ERC2: variants seen among roughly 807,000 people sequenced by gnomAD.
ERC2 encodes the protein ELKS/RAB6-interacting/CAST family member 2.
A neutral mutation model predicts 114.8 loss-of-function variants in ERC2; 42 were observed. That is an observed-to-expected ratio of 0.37 (90% confidence interval 0.29 to 0.47). ERC2 has a LOEUF of 0.47. Among genes scored for constraint, ERC2 ranks in the 20% least tolerant of loss-of-function variants. The pLI, the probability that ERC2 is intolerant of heterozygous loss-of-function variation, is 0.99. For missense variants in ERC2, 939 were observed against 1,150.7 expected (o/e 0.82, Z 2.66); for synonymous variants, 454 against 425.5 (o/e 1.07, Z -0.82).
At chr3:56,032,949 A>C (rs1250111455) in intron 7 of ERC2, among the ~76,000 whole-genome samples, 1,444 of 75,614 alleles carry the variant, frequency 0.019, 30 homozygotes, top group Non-Finnish European at 0.021. Context: ...GAAAGAAAGA[A>C]AGAAAGAAAC....
chr3:56,068,409 T>C (rs2076578430), intron 7 of ERC2, among the ~76,000 whole-genome samples: 1 of 152,122 alleles, frequency 6.6e-6, no homozygotes, highest in South Asian at 2.1e-4. Context: ...TTTTATTATG[T>C]CTATTTGATT....
At chr3:55,683,748 A>G (rs2148777749) in intron 17 of ERC2, 46 bp downstream of exon 17, 2 of 1,488,824 alleles carry the variant, frequency 1.3e-6, no homozygotes, top group African/African-American at 1.4e-5. Context: ...ATACAACACT[A>G]GAATGCAATT....
Position 56,173,434 on chromosome 3 carries a change from C to G in ERC2, c.1149+12G>C, listed in dbSNP as rs1240466067. The G allele has an allele frequency of 1.2e-6, 2 of 1,612,836 alleles. No homozygotes were observed. The highest frequency in any genetic ancestry group is 2.2e-5 in the South Asian group (2 of 91,048). On this transcript the variant is annotated intron_variant, in intron 4 of 17. Transcript: ENST00000288221. ...GGCATAACTGTTTCTGACAAAAGTG[C>G]ACAGTTCCTACCTTCATTTCGATGA...
chr3:56,425,560 CTTTTTTTTTT>C (rs67210393), intron 2 of ERC2, among the ~76,000 whole-genome samples: 1 of 124,006 alleles, frequency 8.1e-6, no homozygotes, highest in Non-Finnish European at 1.6e-5. Flanking sequence ...GACCCTTTTT[CTTTTTTTTTT>C]TTTTTTTTTT....
chr3:56,369,157 G>A (rs185336213), intron 2 of ERC2, among the ~76,000 whole-genome samples: 3 of 152,192 alleles, frequency 2.0e-5, no homozygotes, highest in African/African-American at 7.2e-5. Flanking sequence ...ATCTTCTGTA[G>A]AGTCCTAGTT....
intron 5 of ERC2, among the ~76,000 whole-genome samples, chr3:56,147,470 T>TAC (rs146429953): frequency 3.2e-4 from 49 of 151,684 alleles, no homozygotes; most frequent in Admixed American, 1.2e-3. Context: ...CATGCTTGCA[T>TAC]ACACACACAC....
rs186482176 is a variant in ERC2, at chr3:55,975,348, T to C, written c.2267+10629A>G. ...TTCCATATAGTTTCCATATTCCATA[T>C]AGTTTCTTCCAATTTCCATAGTTTC... On this transcript the variant is annotated intron_variant, in intron 12 of 17. Transcript: ENST00000288221. Among the ~76,000 whole-genome samples the C allele has an allele frequency of 3.4e-3, 514 of 152,304 alleles. 2 individuals carry two copies. Among genetic ancestry groups the C allele is most frequent in the South Asian group, 0.021 (101 of 4,820 alleles).
intron 13 of ERC2, among the ~76,000 whole-genome samples, chr3:55,923,548 G>C (rs2065563876): frequency 6.6e-6 from 1 of 152,044 alleles, no homozygotes; most frequent in South Asian, 2.1e-4. Flanking sequence ...TGGTTCAGAA[G>C]ATATAATAGC....
At chr3:55,904,148 G>A (rs1182839012) in intron 13 of ERC2, among the ~76,000 whole-genome samples, 1 of 152,222 alleles carries the variant, frequency 6.6e-6, no homozygotes, top group African/African-American at 2.4e-5. Context: ...AAGTGCCAGT[G>A]CAAGTGAGCA....
chr3:55,855,391 C>G (rs2061745717), intron 14 of ERC2, among the ~76,000 whole-genome samples: 1 of 152,262 alleles, frequency 6.6e-6, no homozygotes, highest in South Asian at 2.1e-4. Flanking sequence ...ACGCTGTTCA[C>G]TTACCAAACA....
At chr3:55,550,873 G>T (rs181135627) in intron 17 of ERC2, among the ~76,000 whole-genome samples, 1 of 151,848 alleles carries the variant, frequency 6.6e-6, no homozygotes, top group Non-Finnish European at 1.5e-5. Flanking sequence ...AAAATTAGCC[G>T]GGCGTGGTGG....
intron 3 of ERC2, among the ~76,000 whole-genome samples, chr3:56,266,191 C>T (rs2053292638): frequency 7.3e-6 from 1 of 136,770 alleles, no homozygotes. Context: ...AGTGCAGTGG[C>T]ACAATCTCGG....
At chr3:55,608,900 G>C (rs1475947076) in intron 17 of ERC2, among the ~76,000 whole-genome samples, 2 of 152,180 alleles carry the variant, frequency 1.3e-5, no homozygotes, top group Non-Finnish European at 2.9e-5. Flanking sequence ...GACTAGCAGG[G>C]TGGGTTGTAA....
At chr3:56,466,986 G>C (rs540376460) in intron 1 of ERC2, 1 of 152,290 alleles carries the variant, frequency 6.6e-6, no homozygotes, top group African/African-American at 2.4e-5. Flanking sequence ...AGTGGCCTCG[G>C]CATCCGCAAC....
chr3:56,420,177 C>CTTTTTTT (rs34883402), intron 2 of ERC2, among the ~76,000 whole-genome samples: 10 of 72,306 alleles, frequency 1.4e-4, no homozygotes, highest in South Asian at 5.3e-4. Flanking sequence ...AGTGGTTATA[C>CTTTTTTT]TTTTTTTTTT....
intron 11 of ERC2, 26 bp downstream of exon 11, chr3:55,992,031 A>T: frequency 1.2e-6 from 2 of 1,605,744 alleles, no homozygotes; most frequent in Non-Finnish European, 1.7e-6. Context: ...CTCACTGCCA[A>T]CAATTTATAT....
intron 17 of ERC2, among the ~76,000 whole-genome samples, chr3:55,537,377 G>A (rs779075371): frequency 1.3e-5 from 2 of 152,248 alleles, no homozygotes; most frequent in Non-Finnish European, 2.9e-5. Context: ...ATCAAAGGGT[G>A]AGATACCAGG....
chr3:55,836,204 A>T (rs1175069977), intron 14 of ERC2, among the ~76,000 whole-genome samples: 1 of 152,198 alleles, frequency 6.6e-6, no homozygotes, highest in Non-Finnish European at 1.5e-5. Context: ...ATTCAATGCC[A>T]TCCCCATCAA....
intron 7 of ERC2, among the ~76,000 whole-genome samples, chr3:56,058,306 T>C (rs1203669776): frequency 1.3e-5 from 2 of 152,204 alleles, no homozygotes; most frequent in African/African-American, 4.8e-5. Context: ...CGGCTGGCTC[T>C]TGGGAAAGTT....
Sources: allele counts gnomAD v4.1 joint callset (sites outside exome capture counted in the v4.1 genomes callset), GRCh38; gene constraint gnomAD v4.1.1; transcripts MANE v1.5; gene names NCBI Gene and HGNC (gene_info 2026-07-23, HGNC 2026-07-21).